The following NF2 variants were observed in gnomAD, a reference collection of about 807,000 sequenced individuals.
NF2 encodes the protein merlin.
Under a neutral mutation model 83.7 loss-of-function variants are expected in NF2, and 8 were observed. The observed-to-expected ratio is 0.10, with a 90% confidence interval of 0.06 to 0.17. The LOEUF is 0.17. NF2 is among the 10% of genes least tolerant of loss of function. NF2 has a pLI of 1.00. For synonymous variants in NF2, 266 were observed against 269.6 expected, an observed-to-expected ratio of 0.99 and a Z score of 0.13; for missense variants, 533 against 744.4, an observed-to-expected ratio of 0.72 and a Z score of 3.31.
In NF2 at chr22:29,694,826, C is replaced by G; in HGVS notation, c.*24C>G. Reference sequence around the variant, plus strand: ...AGCAGGTGACCCAGCCACCCCAGGACCTGCCACTTCTCCTGCTACCGGGAC... The same window carrying G: ...AGCAGGTGACCCAGCCACCCCAGGAGCTGCCACTTCTCCTGCTACCGGGAC... On this transcript the variant is annotated 3_prime_UTR_variant, in exon 16 of 16. Coordinates refer to ENST00000338641, the MANE Select transcript of NF2 (RefSeq NM_000268.4). This position sits in a 1 kb window ranked among gnomAD's most constrained non-coding sequence, Gnocchi z 4.1. 1.2e-6 allele frequency: 2 copies of G among 1,610,820 alleles called. No individual in the cohort carries two copies. The highest frequency in any genetic ancestry group is 8.5e-7 in the Non-Finnish European group (1 of 1,178,402).
chr22:29,648,189 G>A (rs2066039096), intron 4 of NF2, among the ~76,000 whole-genome samples: 1 of 151,426 alleles, frequency 6.6e-6, no homozygotes, highest in Non-Finnish European at 1.5e-5. Context: ...AAAAAGGTAG[G>A]TGTCTAGAAG....
intron 1 of NF2, among the ~76,000 whole-genome samples, chr22:29,606,168 G>T (rs2064790858): frequency 6.6e-6 from 1 of 152,164 alleles, no homozygotes; most frequent in Admixed American, 6.5e-5. Flanking sequence ...TGGTCAGGCT[G>T]GTCTTGAACT....
chr22:29,676,176 T>A (rs1016605602), intron 13 of NF2, among the ~76,000 whole-genome samples: 1 of 151,918 alleles, frequency 6.6e-6, no homozygotes, highest in Admixed American at 6.6e-5. Flanking sequence ...ATTTATTATT[T>A]TTTTTTTTAG....
chr22:29,694,591 C>T lies in NF2; in HGVS notation c.1738-161C>T, dbSNP rs2067493592. On this transcript the variant is annotated intron_variant, in intron 15 of 15. Transcript: ENST00000338641. The surrounding 1 kb of genome is among the most constrained non-coding windows in gnomAD (Gnocchi z 4.1). ...ATTTGAATTATTGGGCAAATCTGGCCGCTTATTTGGGACTGACAGCCAACT... is the reference window on the plus strand; with the variant it reads ...ATTTGAATTATTGGGCAAATCTGGCTGCTTATTTGGGACTGACAGCCAACT... Among the ~76,000 whole-genome samples the T allele has an allele frequency of 6.6e-6, 1 of 152,318 alleles. No individual in the cohort carries two copies. The highest frequency in any genetic ancestry group is 2.4e-5 in the African/African-American group (1 of 41,566).
At chr22:29,604,442 C>G (rs371978800) in intron 1 of NF2, among the ~76,000 whole-genome samples, 32 of 151,966 alleles carry the variant, frequency 2.1e-4, no homozygotes, top group African/African-American at 7.3e-4. Flanking sequence ...TGTTATGTAC[C>G]CAGGTATTAG....
chr22:29,674,382 A>G (rs2066898417), intron 12 of NF2, among the ~76,000 whole-genome samples: 1 of 152,208 alleles, frequency 6.6e-6, no homozygotes, highest in African/African-American at 2.4e-5. Flanking sequence ...TGCTGGAGAA[A>G]GTGGGCACAA....
At chr22:29,684,211 T>G (rs1168739519) in intron 15 of NF2, 2 of 154,650 alleles carry the variant, frequency 1.3e-5, no homozygotes, top group Non-Finnish European at 2.9e-5. Context: ...TGCGACACTT[T>G]CATTTAGCGG....
rs1350618734 is a variant in NF2, at chr22:29,639,192, C to G, written c.343C>G (p.Gln115Glu). 4.3e-6 allele frequency: 7 copies of G among 1,614,070 alleles called. No homozygotes were observed. The highest frequency in any genetic ancestry group is 5.9e-6 in the Non-Finnish European group (7 of 1,180,026). The change falls in exon 3 of 16, where the codon CAA becomes GAA. Residue 115 changes from glutamine (Q) to glutamate (E), a missense_variant. Gln to Glu is a conservative substitution (Grantham distance 29, BLOSUM62 2). Transcript: ENST00000338641. ...AEEELVQEIT[Q>E]HLFFLQVKKQ... ...AGAGGAGCTGGTTCAGGAGATCACA[C>G]AACATTTATTCTTCTTACAGGTACA...
In NF2 at chr22:29,624,867, T is replaced by C. The variant is rs984553295; in HGVS notation, c.115-11884T>C. Among the ~76,000 whole-genome samples, 6 of 128,054 alleles carry C rather than the reference T, an allele frequency of 4.7e-5. 1 individual carries two copies. Among genetic ancestry groups the C allele is most frequent in the African/African-American group, 1.7e-4 (6 of 34,586 alleles). 84.0% of individuals were successfully genotyped at this position (128,054 alleles called of 152,430 possible). On this transcript the variant is annotated intron_variant, in intron 1 of 15. Transcript: ENST00000338641. Reference sequence around the variant, plus strand: ...TTTCTTTCTTTCTTTCTTTCTTTCTTTCTCTTTCTCTCCTCTTTCTGTCTC... The same window carrying C: ...TTTCTTTCTTTCTTTCTTTCTTTCTCTCTCTTTCTCTCCTCTTTCTGTCTC...
chr22:29,612,962 G>A (rs2064991051), intron 1 of NF2, among the ~76,000 whole-genome samples: 1 of 152,002 alleles, frequency 6.6e-6, no homozygotes, highest in Non-Finnish European at 1.5e-5. Flanking sequence ...GGGTGTGGTG[G>A]CACATACCTG....
At chr22:29,614,936 C>G (rs2146725846) in intron 1 of NF2, among the ~76,000 whole-genome samples, 1 of 152,212 alleles carries the variant, frequency 6.6e-6, no homozygotes, top group South Asian at 2.1e-4. Context: ...GTAATCCTAG[C>G]ACTTTGGGAG....
In NF2 at chr22:29,696,159, C is replaced by T. The variant is rs1411100402; in HGVS notation, c.*1357C>T. On this transcript the variant is annotated 3_prime_UTR_variant, in exon 16 of 16. Coordinates refer to ENST00000338641, the MANE Select transcript of NF2 (RefSeq NM_000268.4). ...CACAATCTCGGCTCACTGCAACCTC[C>T]ACCTCCTGAGTTCAAGCAATTCTCC... The T allele has an allele frequency of 4.5e-6, 1 of 223,364 alleles. No individual in the cohort carries two copies. Among genetic ancestry groups the T allele is most frequent in the Non-Finnish European group, 8.9e-6 (1 of 112,428 alleles). 13.8% of individuals were successfully genotyped at this position (223,364 alleles called of 1,614,324 possible). A position where few individuals can be genotyped will look rare whatever the true frequency, so the allele number is the denominator to read the frequency against.
At chr22:29,618,200 A>T (rs1227083221) in intron 1 of NF2, among the ~76,000 whole-genome samples, 1 of 152,208 alleles carries the variant, frequency 6.6e-6, no homozygotes, top group Non-Finnish European at 1.5e-5. Flanking sequence ...ATTTATGATG[A>T]TAGGGCTCAG....
At chr22:29,648,045 C>T (rs1185372644) in intron 4 of NF2, among the ~76,000 whole-genome samples, 2 of 151,842 alleles carry the variant, frequency 1.3e-5, no homozygotes, top group African/African-American at 4.8e-5. Context: ...GCAGAAGAAT[C>T]GCTTGAATCC....
At chr22:29,666,822 C>T (rs1447635930) in intron 9 of NF2, among the ~76,000 whole-genome samples, 1 of 151,926 alleles carries the variant, frequency 6.6e-6, no homozygotes, top group Non-Finnish European at 1.5e-5. Flanking sequence ...ACTAAAAATA[C>T]AAAATTAGCT....
intron 2 of NF2, among the ~76,000 whole-genome samples, chr22:29,637,401 G>A (rs1462027666): frequency 1.3e-5 from 2 of 152,178 alleles, no homozygotes; most frequent in East Asian, 3.9e-4. Flanking sequence ...TGGGGCTTCT[G>A]ACACATGGCC....
chr22:29,668,977 T>C (rs2066706781), intron 10 of NF2, among the ~76,000 whole-genome samples: 1 of 152,228 alleles, frequency 6.6e-6, no homozygotes, highest in Non-Finnish European at 1.5e-5. Context: ...TGCATCATTG[T>C]TTTCTACTCA....
intron 14 of NF2, among the ~76,000 whole-genome samples, chr22:29,679,444 G>A (rs2067063993): frequency 2.0e-5 from 3 of 152,212 alleles, no homozygotes; most frequent in Non-Finnish European, 4.4e-5. Context: ...CATTTATGTG[G>A]TTGGGATCCG....
chr22:29,630,217 T>C (rs975835249), intron 1 of NF2, among the ~76,000 whole-genome samples: 1 of 152,254 alleles, frequency 6.6e-6, no homozygotes, highest in Non-Finnish European at 1.5e-5. Context: ...CAATCAGTCC[T>C]GCAGGTTATT....
Sources: gnomAD v4.1 joint callset for allele counts (sites outside exome capture counted in the v4.1 genomes callset) on GRCh38, gnomAD v4.1.1 for gene constraint, Gnocchi (gnomAD v3.1) non-coding constraint, MANE v1.5 for transcripts, NCBI Gene and HGNC (gene_info 2026-07-23, HGNC 2026-07-21) for gene names.